Variants in GRM5 observed in about 807,000 individuals in gnomAD.
GRM5 encodes glutamate metabotropic receptor 5, also known as metabotropic glutamate receptor 5.
Under a neutral mutation model 83.1 loss-of-function variants are expected in GRM5, and 19 were observed. The ratio of observed to expected loss-of-function variants is 0.23; its 90% CI spans 0.16 to 0.34. The LOEUF is 0.34. Ranked by LOEUF, GRM5 falls within the 10% of genes least tolerant of loss-of-function variation. The probability of loss-of-function intolerance (pLI) is 1.00; values close to 1 mark genes in which losing one functional copy is unlikely to be tolerated. For missense variants in GRM5, 1,160 were observed against 1,588.3 expected (o/e 0.73, Z 4.58); for synonymous variants, 675 against 633.6 (o/e 1.07, Z -0.98).
intron 3 of GRM5, among the ~76,000 whole-genome samples, chr11:88,773,106 C>T (rs1565223889): frequency 6.6e-6 from 1 of 152,190 alleles, no homozygotes; most frequent in Non-Finnish European, 1.5e-5. Context: ...TCCTCTCCAG[C>T]ACCTGTTGTT....
chr11:89,038,775 T>G (rs542426094), intron 2 of GRM5, among the ~76,000 whole-genome samples: 1 of 152,334 alleles, frequency 6.6e-6, no homozygotes, highest in South Asian at 2.1e-4. Context: ...CATCCTACTT[T>G]TCCTTGGAGC....
In GRM5 at chr11:88,942,736, T is replaced by TAA. The variant is rs60140632; in HGVS notation, c.662-92583_662-92582dup. On this transcript the variant is annotated intron_variant, in intron 2 of 9. Coordinates refer to ENST00000305447, the MANE Select transcript of GRM5 (RefSeq NM_001143831.3). The stretch of plus-strand genomic sequence containing the variant: ...CCCTGTAAAATGACAGTGTTTAAAT[T>TAA]AAAAAAAAAATGGGACACAACTGAA... Among the ~76,000 whole-genome samples the TAA allele has an allele frequency of 5.9e-3, 881 of 149,784 alleles. 11 individuals carry two copies. Among genetic ancestry groups the TAA allele is most frequent in the African/African-American group, 0.017 (708 of 41,084 alleles).
At chr11:88,845,423 CTTTTT>C (rs71046265) in intron 3 of GRM5, among the ~76,000 whole-genome samples, 5 of 92,444 alleles carry the variant, frequency 5.4e-5, no homozygotes, top group Non-Finnish European at 8.0e-5. Context: ...ATAAACATAA[CTTTTT>C]TTTTTTTTTT....
At chr11:88,603,485 G>C (rs1305840248) in intron 5 of GRM5, among the ~76,000 whole-genome samples, 1 of 151,762 alleles carries the variant, frequency 6.6e-6, no homozygotes, top group Non-Finnish European at 1.5e-5. Context: ...ATTTACAACT[G>C]TGAAGTTTTG....
At chr11:89,042,594 T>C (rs1941559107) in intron 2 of GRM5, among the ~76,000 whole-genome samples, 2 of 152,184 alleles carry the variant, frequency 1.3e-5, no homozygotes, top group Admixed American at 1.3e-4. Context: ...GTTCAATTCC[T>C]GGAGAAACAA....
chr11:88,668,462 A>G (rs1338792439), intron 3 of GRM5, among the ~76,000 whole-genome samples: 1 of 152,124 alleles, frequency 6.6e-6, no homozygotes, highest in African/African-American at 2.4e-5. Flanking sequence ...TTATAAGTCC[A>G]GAAAAACAGT....
At chr11:88,591,272 G>T (rs1259033513) in intron 6 of GRM5, among the ~76,000 whole-genome samples, 1 of 152,120 alleles carries the variant, frequency 6.6e-6, no homozygotes, top group Non-Finnish European at 1.5e-5. Flanking sequence ...ATGATCTCTT[G>T]ATCTCTTTCT....
At chr11:88,813,841 C>T (rs938607049) in intron 3 of GRM5, among the ~76,000 whole-genome samples, 1 of 152,028 alleles carries the variant, frequency 6.6e-6, no homozygotes, top group Non-Finnish European at 1.5e-5. Flanking sequence ...TAAAGTGGCT[C>T]ATAACGTTTT....
intron 2 of GRM5, among the ~76,000 whole-genome samples, chr11:89,041,873 C>T (rs1418120268): frequency 1.3e-5 from 2 of 152,118 alleles, no homozygotes; most frequent in Non-Finnish European, 2.9e-5. Context: ...TATAATTATA[C>T]AATCAATCCA....
intron 3 of GRM5, among the ~76,000 whole-genome samples, chr11:88,848,955 T>C (rs967237042): frequency 6.6e-6 from 1 of 152,194 alleles, no homozygotes; most frequent in Non-Finnish European, 1.5e-5. Context: ...CATCGGTCTT[T>C]TTCAGTCTTC....
chr11:88,759,278 T>C (rs930326329), intron 3 of GRM5, among the ~76,000 whole-genome samples: 5 of 152,038 alleles, frequency 3.3e-5, no homozygotes, highest in Non-Finnish European at 5.9e-5. Context: ...AGACACAGGG[T>C]AGCAAGCTAG....
chr11:88,570,733 A>AT (rs1010144179), intron 7 of GRM5, among the ~76,000 whole-genome samples: 1 of 150,236 alleles, frequency 6.7e-6, no homozygotes, highest in Non-Finnish European at 1.5e-5. Flanking sequence ...CTCCCGGCTA[A>AT]TTTTTTTGTA....
chr11:89,005,226 T>C (rs964276196), intron 2 of GRM5, among the ~76,000 whole-genome samples: 1 of 152,188 alleles, frequency 6.6e-6, no homozygotes, highest in South Asian at 2.1e-4. Context: ...AGAAAGAAAT[T>C]TGAAGTTGTC....
At chr11:88,698,643 C>T (rs533882211) in intron 3 of GRM5, among the ~76,000 whole-genome samples, 2 of 152,248 alleles carry the variant, frequency 1.3e-5, no homozygotes, top group Admixed American at 1.3e-4. Context: ...CTAGAAGTAA[C>T]AGAGACCACA....
At chr11:89,000,745 G>T (rs1270721846) in intron 2 of GRM5, among the ~76,000 whole-genome samples, 2 of 151,816 alleles carry the variant, frequency 1.3e-5, no homozygotes, top group African/African-American at 4.8e-5. Context: ...GACCCTAAAA[G>T]AATTAAAGAA....
At chr11:88,770,684 T>C (rs1056574965) in intron 3 of GRM5, among the ~76,000 whole-genome samples, 13 of 152,248 alleles carry the variant, frequency 8.5e-5, no homozygotes, top group Admixed American at 2.0e-4. Context: ...CAGAATTTTA[T>C]CACATGAAAG....
chr11:88,864,535 T>A (rs1315846966), intron 2 of GRM5, among the ~76,000 whole-genome samples: 2 of 152,052 alleles, frequency 1.3e-5, no homozygotes, highest in Admixed American at 6.6e-5. Flanking sequence ...TCTTGAGACT[T>A]TGCTGAAGTT....
chr11:88,787,372 T>G (rs1324290330), intron 3 of GRM5, among the ~76,000 whole-genome samples: 1 of 152,044 alleles, frequency 6.6e-6, no homozygotes, highest in Admixed American at 6.6e-5. Flanking sequence ...AAGGAGAGGA[T>G]GTGGAAGACA....
At chr11:88,518,333 G>T (rs556527414) in intron 9 of GRM5, among the ~76,000 whole-genome samples, 39 of 151,688 alleles carry the variant, frequency 2.6e-4, no homozygotes, top group Non-Finnish European at 4.7e-4. Flanking sequence ...GTTTTTGCTG[G>T]TCTTATAAGG....
Sources: gnomAD v4.1 joint callset for allele counts (sites outside exome capture counted in the v4.1 genomes callset) on GRCh38, gnomAD v4.1.1 for gene constraint, MANE v1.5 for transcripts, NCBI Gene and HGNC (gene_info 2026-07-23, HGNC 2026-07-21) for gene names.